The following COL8A1 variants were observed in gnomAD, a reference collection of about 807,000 sequenced individuals.
The protein encoded by COL8A1 is collagen alpha-1(VIII) chain.
COL8A1 carries 21 observed loss-of-function variants against 42.7 expected under a neutral mutation model. That is an observed-to-expected ratio of 0.49 (90% CI 0.35 to 0.71). The LOEUF (loss-of-function observed/expected upper bound fraction) is 0.71, where lower values mean the gene tolerates loss of function less well. COL8A1 is among the 30% of genes least tolerant of loss of function. The pLI, the probability that COL8A1 is intolerant of heterozygous loss-of-function variation, is 0.01. For missense variants in COL8A1, 788 were observed against 962.4 expected (o/e 0.82, Z 2.40); for synonymous variants, 367 against 369.1 (o/e 0.99, Z 0.06).
At chr3:99,698,971 A>G (rs1212661744) in intron 1 of COL8A1, among the ~76,000 whole-genome samples, 1 of 152,318 alleles carries the variant, frequency 6.6e-6, no homozygotes, top group South Asian at 2.1e-4. Flanking sequence ...GATAAGTCAA[A>G]TTTGAAGAAG....
chr3:99,762,236 C>A (rs1338298393), intron 2 of COL8A1, among the ~76,000 whole-genome samples: 23 of 152,282 alleles, frequency 1.5e-4, no homozygotes, highest in Admixed American at 1.5e-3. Flanking sequence ...CACTTTGATA[C>A]CAACAAAGAA....
At chr3:99,780,745 A>G (rs772249305) in intron 2 of COL8A1, among the ~76,000 whole-genome samples, 17 of 152,190 alleles carry the variant, frequency 1.1e-4, no homozygotes, top group Non-Finnish European at 2.4e-4. Flanking sequence ...CTGTTACATA[A>G]TACTCTGCCC....
At position 99,726,614 on chromosome 3, in the gene COL8A1, T is replaced by A. The variant is rs183636079; in HGVS notation, c.-128-18283T>A. 7.3e-4 allele frequency among the ~76,000 whole-genome samples: 111 copies of A among 152,312 alleles called. 1 individual carries two copies. In the East Asian group the frequency reaches 0.02, roughly 27 times the overall value. On this transcript the variant is annotated intron_variant, in intron 1 of 3. Transcript: ENST00000652472. ...TAAGGTGTAAGGAAGGGATCCAGTT[T>A]CAGCTTTCTACCTATGGCTATCCAG...
At chr3:99,653,746 C>T (rs1256647888) in intron 1 of COL8A1, among the ~76,000 whole-genome samples, 2 of 150,766 alleles carry the variant, frequency 1.3e-5, no homozygotes, top group Non-Finnish European at 3.0e-5. Flanking sequence ...CTAGATGCAT[C>T]CTGGCCCCTG....
intron 1 of COL8A1, among the ~76,000 whole-genome samples, chr3:99,740,741 T>C (rs185926452): frequency 3.3e-5 from 5 of 152,294 alleles, no homozygotes; most frequent in African/African-American, 1.2e-4. Flanking sequence ...AAATCTAGGA[T>C]TCAAAGCTCA....
intron 2 of COL8A1, among the ~76,000 whole-genome samples, chr3:99,786,756 G>A (rs1360514931): frequency 6.6e-6 from 1 of 152,080 alleles, no homozygotes; most frequent in Non-Finnish European, 1.5e-5. Flanking sequence ...AACATTTCCT[G>A]TTCTGAGTGT....
In COL8A1 at chr3:99,734,535, C is replaced by T. The variant is rs545891293; in HGVS notation, c.-128-10362C>T. ...TCTCTGTTTTGGTACCAGTACCATG[C>T]TGTTTTGGTTACTGTAGCCTTGTAG... On this transcript the variant is annotated intron_variant, in intron 1 of 3. Transcript: ENST00000652472. 6.6e-5 allele frequency among the ~76,000 whole-genome samples: 10 copies of T among 151,990 alleles called. No homozygotes were observed. The East Asian group carries it at 9.7e-4, about 15-fold the overall frequency.
rs1157573417 is a variant in COL8A1, at chr3:99,796,301, C to A, written c.*165C>A. ...TTGTGTACAAATAAAAACTAAGATG[C>A]ATGTTTAATACTCCACACAGCAGCC... On this transcript the variant is annotated 3_prime_UTR_variant, in exon 4 of 4. Coordinates refer to ENST00000652472, the MANE Select transcript of COL8A1 (RefSeq NM_020351.4). The A allele has an allele frequency of 7.3e-6, 4 of 546,818 alleles. No individual in the cohort carries two copies. The highest frequency in any genetic ancestry group is 1.2e-5 in the Non-Finnish European group (4 of 321,174). The allele number at this position is 546,818 out of a possible 1,614,324, so 33.9% of individuals were successfully genotyped here.
intron 1 of COL8A1, among the ~76,000 whole-genome samples, chr3:99,682,668 A>G (rs1308624576): frequency 6.6e-6 from 1 of 151,922 alleles, no homozygotes; most frequent in Non-Finnish European, 1.5e-5. Context: ...GAAAGATCAT[A>G]GAACATATAA....
chr3:99,714,107 C>A (rs889449690), intron 1 of COL8A1, among the ~76,000 whole-genome samples: 1 of 152,034 alleles, frequency 6.6e-6, no homozygotes, highest in African/African-American at 2.4e-5. Context: ...TAAATGAGAG[C>A]CCCTGACATA....
chr3:99,715,817 CTAAAGTGGGGTTGGGG>C (rs1446504314), intron 1 of COL8A1, among the ~76,000 whole-genome samples: 1 of 151,942 alleles, frequency 6.6e-6, no homozygotes, highest in Non-Finnish European at 1.5e-5. Context: ...AGTGGGAATA[CTAAAGTGGGGTTGGGG>C]TAAAGTCTTG....
chr3:99,787,252 G>A (rs534878656), intron 2 of COL8A1, among the ~76,000 whole-genome samples: 1 of 152,210 alleles, frequency 6.6e-6, no homozygotes, highest in African/African-American at 2.4e-5. Flanking sequence ...GGTCATATGA[G>A]GAATCTGAAA....
intron 1 of COL8A1, among the ~76,000 whole-genome samples, chr3:99,707,488 G>C (rs996524944): frequency 6.6e-6 from 1 of 152,136 alleles, no homozygotes; most frequent in Non-Finnish European, 1.5e-5. Flanking sequence ...CCTGTAACTA[G>C]CCATCACTCC....
At chr3:99,648,245 TC>T (rs894790259) in intron 1 of COL8A1, among the ~76,000 whole-genome samples, 1 of 152,144 alleles carries the variant, frequency 6.6e-6, no homozygotes, top group African/African-American at 2.4e-5. Flanking sequence ...GGTTCTTCTA[TC>T]CAGGTCACAG....
chr3:99,663,571 A>G (rs116703591), intron 1 of COL8A1, among the ~76,000 whole-genome samples: 1,798 of 152,242 alleles, frequency 0.012, 34 homozygotes, highest in African/African-American at 0.04. Context: ...CCAAATTCCA[A>G]TGCAAGCTGA....
chr3:99,722,658 C>T (rs1234316641), intron 1 of COL8A1, among the ~76,000 whole-genome samples: 4 of 151,884 alleles, frequency 2.6e-5, no homozygotes, highest in Non-Finnish European at 5.9e-5. Context: ...TGAATAAAAC[C>T]TAACTTTTTT....
intron 1 of COL8A1, chr3:99,678,776 T>C (rs995700703): frequency 2.0e-5 from 3 of 152,144 alleles, no homozygotes; most frequent in Non-Finnish European, 4.4e-5. Flanking sequence ...GTGAAGTCAA[T>C]GGGAAAGATA....
Position 99,688,632 on chromosome 3 carries a change from A to G in COL8A1, c.-129+49968A>G, listed in dbSNP as rs531610324. 6.6e-5 allele frequency among the ~76,000 whole-genome samples: 10 copies of G among 152,230 alleles called. 1 individual carries two copies. The South Asian group carries it at 1.9e-3, about 28-fold the overall frequency. On this transcript the variant is annotated intron_variant, in intron 1 of 3. Transcript: ENST00000652472. Reference sequence around the variant, plus strand: ...AGATTCTGGGGATTGAGACATGAACATTTTGGGAGGTTCATTATTCAGCAT... The same window carrying G: ...AGATTCTGGGGATTGAGACATGAACGTTTTGGGAGGTTCATTATTCAGCAT...
intron 1 of COL8A1, among the ~76,000 whole-genome samples, chr3:99,675,172 G>A (rs1938656251): frequency 6.6e-6 from 1 of 151,886 alleles, no homozygotes; most frequent in Admixed American, 6.6e-5. Flanking sequence ...AAGCTTCACA[G>A]TTGGGCTGGC....
Sources: gnomAD v4.1 joint callset for allele counts (sites outside exome capture counted in the v4.1 genomes callset) on GRCh38, gnomAD v4.1.1 for gene constraint, MANE v1.5 for transcripts, NCBI Gene and HGNC (gene_info 2026-07-23, HGNC 2026-07-21) for gene names.